The following MARCHF1 variants were observed in gnomAD, a reference collection of about 807,000 sequenced individuals.
MARCHF1 encodes E3 ubiquitin-protein ligase MARCHF1.
MARCHF1 carries 40 observed loss-of-function variants against 54.2 expected under a neutral mutation model. The ratio of observed to expected loss-of-function variants is 0.74; its 90% confidence interval spans 0.57 to 0.96. MARCHF1 has a LOEUF of 0.96. MARCHF1 is among the 40% of genes least tolerant of loss of function. The pLI is 0.00. For synonymous variants in MARCHF1, 236 were observed against 236.3 expected (o/e 1.00, Z 0.01); for missense variants, 586 against 656.5 (o/e 0.89, Z 1.17).
intron 1 of MARCHF1, among the ~76,000 whole-genome samples, chr4:164,317,995 T>C (rs555896160): frequency 1.4e-4 from 21 of 152,212 alleles, no homozygotes; most frequent in Non-Finnish European, 2.4e-4. Flanking sequence ...CAGTGCAGAC[T>C]TGAGATCCTG....
rs75384513 is a variant in MARCHF1 at position 163,989,629 on chromosome 4, A to T, written c.-247-920T>A. Among the ~76,000 whole-genome samples, 153 of 152,322 alleles carry T rather than the reference A, an allele frequency of 1.0e-3. 2 individuals are homozygous for T. The East Asian group carries it at 0.024, about 23-fold the overall frequency. ...GTTAATCAGAACTTCTGCTTTTTAA[A>T]TTTAAAAAAAATTCCTTTTAAAACA... On this transcript the variant is annotated intron_variant, in intron 2 of 9. Coordinates refer to ENST00000514618, the MANE Select transcript of MARCHF1 (RefSeq NM_001394959.1).
intron 2 of MARCHF1, among the ~76,000 whole-genome samples, chr4:163,997,224 A>AT (rs1393216810): frequency 6.6e-6 from 1 of 152,032 alleles, no homozygotes; most frequent in East Asian, 1.9e-4. Context: ...GCATTTTATA[A>AT]GTGTTACCCT....
At chr4:163,680,570 T>C (rs1444995369) in intron 5 of MARCHF1, among the ~76,000 whole-genome samples, 1 of 152,240 alleles carries the variant, frequency 6.6e-6, no homozygotes, top group Non-Finnish European at 1.5e-5. Context: ...CGTCACTCTC[T>C]AGATTTGCTC....
At chr4:163,899,763 T>TACACACACACACACACACAC (rs70948674) in intron 3 of MARCHF1, among the ~76,000 whole-genome samples, 5 of 148,864 alleles carry the variant, frequency 3.4e-5, no homozygotes, top group African/African-American at 9.9e-5. Context: ...TCTCACCCAC[T>TACACACACACACACACACAC]ACACACACAC....
At chr4:163,762,213 T>C (rs967085784) in intron 4 of MARCHF1, among the ~76,000 whole-genome samples, 13 of 152,192 alleles carry the variant, frequency 8.5e-5, no homozygotes, top group African/African-American at 3.1e-4. Context: ...CATATTTCAA[T>C]TTATTCATTA....
chr4:164,132,676 T>C (rs1198164280), intron 1 of MARCHF1, among the ~76,000 whole-genome samples: 2 of 152,138 alleles, frequency 1.3e-5, no homozygotes, highest in African/African-American at 4.8e-5. Flanking sequence ...ATGGCTTTAG[T>C]GTTTACTGAT....
chr4:163,676,673 T>G lies in MARCHF1; in HGVS notation c.162+24140A>C, dbSNP rs374509070. Among the ~76,000 whole-genome samples, 423 of 152,270 alleles carry G rather than the reference T, an allele frequency of 2.8e-3. 2 individuals are homozygous for G. Among genetic ancestry groups the G allele is most frequent in the African/African-American group, 9.5e-3 (393 of 41,560 alleles). On this transcript the variant is annotated intron_variant, in intron 5 of 9. Coordinates refer to ENST00000514618, the MANE Select transcript of MARCHF1 (RefSeq NM_001394959.1). ...TGGGAGGCTGAGGCTGGAGGATGGC[T>G]TGAGCCCAGGAATTTGAGGTTACGA...
chr4:164,235,099 T>C (rs544280414), intron 1 of MARCHF1, among the ~76,000 whole-genome samples: 3 of 152,206 alleles, frequency 2.0e-5, no homozygotes, highest in Middle Eastern at 3.4e-3. Context: ...CTCTAAACGT[T>C]CCCCCAGGCC....
At chr4:163,719,258 C>A (rs1379174405) in intron 4 of MARCHF1, among the ~76,000 whole-genome samples, 1 of 150,184 alleles carries the variant, frequency 6.7e-6, no homozygotes, top group Non-Finnish European at 1.5e-5. Flanking sequence ...TCAATTGCCA[C>A]CTATGAGTGA....
At chr4:164,038,682 A>G (rs1318570754) in intron 2 of MARCHF1, among the ~76,000 whole-genome samples, 1 of 152,076 alleles carries the variant, frequency 6.6e-6, no homozygotes, top group Non-Finnish European at 1.5e-5. Flanking sequence ...GACTGATTGT[A>G]TTTGGCAAAC....
chr4:164,197,328 T>C, intron 1 of MARCHF1: 1 of 1,612,302 alleles, frequency 6.2e-7, no homozygotes, highest in Non-Finnish European at 8.5e-7. Context: ...ACACGTTTTC[T>C]CCGTAGTCGT....
At chr4:164,259,537 C>T (rs1382628041) in intron 1 of MARCHF1, among the ~76,000 whole-genome samples, 1 of 85,024 alleles carries the variant, frequency 1.2e-5, no homozygotes, top group Non-Finnish European at 2.2e-5. Context: ...AAAGTGGGAC[C>T]GTGTCTCAAA....
At chr4:163,730,669 T>TTTTTTA in intron 4 of MARCHF1, among the ~76,000 whole-genome samples, 1 of 152,190 alleles carries the variant, frequency 6.6e-6, no homozygotes, top group East Asian at 1.9e-4. Context: ...CTGCACCTAC[T>TTTTTTA]TTTTTATTTT....
At chr4:163,535,573 G>C (rs989809339) in intron 9 of MARCHF1, among the ~76,000 whole-genome samples, 1 of 152,076 alleles carries the variant, frequency 6.6e-6, no homozygotes, top group African/African-American at 2.4e-5. Flanking sequence ...GAATAATCAG[G>C]AGTATGTGAT....
chr4:163,931,432 C>T (rs1216681305), intron 3 of MARCHF1, among the ~76,000 whole-genome samples: 1 of 151,826 alleles, frequency 6.6e-6, no homozygotes, highest in Non-Finnish European at 1.5e-5. Context: ...AGGGTAGAGC[C>T]CTGATGAATG....
intron 1 of MARCHF1, among the ~76,000 whole-genome samples, chr4:164,267,135 G>A (rs893407661): frequency 2.0e-5 from 3 of 152,230 alleles, no homozygotes; most frequent in African/African-American, 7.2e-5. Flanking sequence ...TGTATGGAAG[G>A]AAGGTTCATT....
chr4:164,060,541 G>A (rs1483620229), intron 2 of MARCHF1, among the ~76,000 whole-genome samples: 1 of 151,994 alleles, frequency 6.6e-6, no homozygotes, highest in Non-Finnish European at 1.5e-5. Context: ...AGTATTTTAT[G>A]ACTAAAGGGT....
intron 3 of MARCHF1, among the ~76,000 whole-genome samples, chr4:163,901,724 T>C (rs548369525): frequency 2.0e-5 from 3 of 152,320 alleles, no homozygotes; most frequent in South Asian, 2.1e-4. Context: ...TTGTGTTCTA[T>C]TGCAGATATT....
intron 2 of MARCHF1, among the ~76,000 whole-genome samples, chr4:164,015,312 A>G (rs916380461): frequency 8.5e-5 from 13 of 152,182 alleles, no homozygotes; most frequent in Admixed American, 7.2e-4. Context: ...GTAAAAATGG[A>G]TTAAGGACTT....
Sources: allele counts gnomAD v4.1 joint callset (sites outside exome capture counted in the v4.1 genomes callset), GRCh38; gene constraint gnomAD v4.1.1; transcripts MANE v1.5; gene names NCBI Gene and HGNC (gene_info 2026-07-23, HGNC 2026-07-21).